The following ACSS1 variants were observed in gnomAD, a reference collection of about 807,000 sequenced individuals.
ACSS1 encodes the protein acyl-CoA synthetase short chain family member 1, also known as acetyl-coenzyme A synthetase 2-like, mitochondrial.
ACSS1 carries 42 observed loss-of-function variants against 75.3 expected under a neutral mutation model. That is an observed-to-expected ratio of 0.56 (90% CI 0.44 to 0.72). The LOEUF is 0.72. ACSS1 is among the 30% of genes least tolerant of loss of function. ACSS1 has a pLI of 0.00. For missense variants in ACSS1, 782 were observed against 935.7 expected, an observed-to-expected ratio of 0.84 and a Z score of 2.14; for synonymous variants, 380 against 376.8, an observed-to-expected ratio of 1.01 and a Z score of -0.10.
At chr20:25,018,779 G>A (rs984704596) in intron 7 of ACSS1, among the ~76,000 whole-genome samples, 1 of 152,304 alleles carries the variant, frequency 6.6e-6, no homozygotes, top group Admixed American at 6.5e-5. Context: ...AGAAACAGAA[G>A]GTTTTTACTG....
intron 2 of ACSS1, among the ~76,000 whole-genome samples, chr20:25,038,262 A>T (rs1475205662): frequency 6.6e-6 from 1 of 152,212 alleles, no homozygotes; most frequent in Non-Finnish European, 1.5e-5. Flanking sequence ...TTTATCACTC[A>T]GGAGTCTCAC....
At chr20:25,013,386 A>G in intron 10 of ACSS1, 150 bp downstream of exon 10, 1 of 1,002,740 alleles carries the variant, frequency 1.0e-6, no homozygotes, top group South Asian at 1.9e-5. Flanking sequence ...GCAAAGGGAG[A>G]GGGGTGCGGA....
chr20:25,032,287 C>G, intron 2 of ACSS1: 1 of 1,207,058 alleles, frequency 8.3e-7, no homozygotes, highest in Non-Finnish European at 1.1e-6. Context: ...TCAGGGCCGA[C>G]ACGTGACCCA....
chr20:25,030,837 A>T lies in ACSS1; in HGVS notation c.553T>A (p.Cys185Ser). Residue 185 changes from cysteine (C) to serine (S), a missense_variant, in exon 3 of 14, where the codon TGT (cysteine) becomes AGT (serine). Coordinates refer to ENST00000323482, the MANE Select transcript of ACSS1 (RefSeq NM_032501.4). ...GTGTGGACAGCTCCGATCCTGGCACAGGCCAGCATTGCTGCCACAGCCAAT... is the reference window on the plus strand; with the variant it reads ...GTGTGGACAGCTCCGATCCTGGCACTGGCCAGCATTGCTGCCACAGCCAAT... ...SPLAVAAMLA[C>S]ARIGAVHTVI... The T allele has an allele frequency of 6.2e-7, 1 of 1,614,262 alleles. No individual in the cohort carries two copies. The highest frequency in any genetic ancestry group is 8.5e-7 in the Non-Finnish European group (1 of 1,180,048).
At chr20:25,053,661 T>C (rs1291615937) in intron 1 of ACSS1, among the ~76,000 whole-genome samples, 2 of 152,108 alleles carry the variant, frequency 1.3e-5, no homozygotes, top group African/African-American at 4.8e-5. Context: ...TGTCCTGCCT[T>C]CTGAACGATT....
Position 25,053,658 on chromosome 20 carries a change from C to T in ACSS1, c.334+4111G>A, listed in dbSNP as rs564769757. Among the ~76,000 whole-genome samples, 3 of 152,244 alleles carry T rather than the reference C, an allele frequency of 2.0e-5. No individual in the cohort carries two copies. The East Asian group carries it at 5.8e-4, about 29-fold the overall frequency. Reference sequence around the variant, plus strand: ...GCGTCTTGCCGCTGTCAGTGTCCTGCCTTCTGAACGATTAGAGGCATGCCA... The same window carrying T: ...GCGTCTTGCCGCTGTCAGTGTCCTGTCTTCTGAACGATTAGAGGCATGCCA... On this transcript the variant is annotated intron_variant, in intron 1 of 13. Coordinates refer to ENST00000323482, the MANE Select transcript of ACSS1 (RefSeq NM_032501.4).
intron 9 of ACSS1, 130 bp downstream of exon 9, chr20:25,013,831 A>G: frequency 7.6e-7 from 1 of 1,323,292 alleles, no homozygotes; most frequent in Non-Finnish European, 1.0e-6. Flanking sequence ...TACCAGCTGC[A>G]GTGAACGCTG....
chr20:25,032,307 A>T (rs1218809192), intron 2 of ACSS1: 10 of 1,282,924 alleles, frequency 7.8e-6, no homozygotes, highest in Non-Finnish European at 9.0e-6. Flanking sequence ...AACCTGGTCC[A>T]GTCAGAGTCA....
chr20:25,045,656 T>TG (rs1374309676), intron 2 of ACSS1, among the ~76,000 whole-genome samples: 1 of 152,232 alleles, frequency 6.6e-6, no homozygotes, highest in Non-Finnish European at 1.5e-5. Context: ...ACGAGGCCCA[T>TG]GGGCAGAAAA....
Position 25,007,343 on chromosome 20 carries a change from A to C in ACSS1, c.*419T>G. On this transcript the variant is annotated 3_prime_UTR_variant, in exon 14 of 14. Coordinates refer to ENST00000323482, the MANE Select transcript of ACSS1 (RefSeq NM_032501.4). Reference sequence around the variant, plus strand: ...GTTCTTCCACAATATAAAAGTATAAAAATAAGATTTCTGACCTTTGTATCT... The same window carrying C: ...GTTCTTCCACAATATAAAAGTATAACAATAAGATTTCTGACCTTTGTATCT... The C allele has an allele frequency of 1.9e-6, 2 of 1,072,388 alleles. No individual in the cohort carries two copies. The highest frequency in any genetic ancestry group is 2.3e-6 in the Non-Finnish European group (2 of 884,856). 66.4% of individuals were successfully genotyped at this position (1,072,388 alleles called of 1,614,324 possible). A position where few individuals can be genotyped will look rare whatever the true frequency, so the allele number is the denominator to read the frequency against.
chr20:25,042,267 G>A (rs1175405092), intron 2 of ACSS1, among the ~76,000 whole-genome samples: 1 of 152,156 alleles, frequency 6.6e-6, no homozygotes, highest in African/African-American at 2.4e-5. Context: ...AGCAGCCGCA[G>A]CCTGGGGCTG....
At chr20:25,045,091 A>T (rs2089065179) in intron 2 of ACSS1, among the ~76,000 whole-genome samples, 1 of 152,250 alleles carries the variant, frequency 6.6e-6, no homozygotes, top group South Asian at 2.1e-4. Flanking sequence ...AATAAATAGC[A>T]GCTACATCAT....
At chr20:25,049,802 C>T (rs565346663) in intron 1 of ACSS1, among the ~76,000 whole-genome samples, 4 of 152,118 alleles carry the variant, frequency 2.6e-5, no homozygotes, top group African/African-American at 9.6e-5. Flanking sequence ...CTGGATTCAA[C>T]GCAGGCAGAT....
chr20:25,014,421 C>A (rs1182217062), intron 8 of ACSS1, among the ~76,000 whole-genome samples: 12 of 152,288 alleles, frequency 7.9e-5, no homozygotes, highest in South Asian at 2.1e-4. Flanking sequence ...TGACATGAAC[C>A]CAACAACGAA....
chr20:25,023,075 G>T lies in ACSS1; in HGVS notation c.825C>A (p.Asp275Glu). The T allele has an allele frequency of 1.2e-6, 2 of 1,613,032 alleles. No homozygotes were observed. The highest frequency in any genetic ancestry group is 1.7e-6 in the Non-Finnish European group (2 of 1,179,518). The change falls in exon 5 of 14, where the codon GAC becomes GAA. Residue 275 changes from aspartate (D) to glutamate (E), a missense_variant. This residue lies in a region of ACSS1 where 377 missense variants were observed against 383.1 expected (regional missense o/e 0.98). Transcript: ENST00000323482. ...CCATGCTCTCTGGGGCGCAAACAGG[G>T]TCCTCCTTGGCCATTTCCTGGCAGG... ...VPLEQEMAKE[D>E]PVCAPESMGS...
chr20:25,019,451 A>C (rs897422337), intron 7 of ACSS1, among the ~76,000 whole-genome samples: 13 of 152,156 alleles, frequency 8.5e-5, no homozygotes, highest in Non-Finnish European at 1.3e-4. Context: ...GATGGTATCC[A>C]CTCCACAGAC....
At chr20:25,009,170 C>T in intron 13 of ACSS1, 100 bp downstream of exon 13, 1 of 1,080,226 alleles carries the variant, frequency 9.3e-7, no homozygotes, top group South Asian at 1.4e-5. Context: ...CGTTTTGATG[C>T]TAATTGGAAA....
Position 25,007,397 on chromosome 20 carries a change from A to C in ACSS1, c.*365T>G. On this transcript the variant is annotated 3_prime_UTR_variant, in exon 14 of 14. Transcript: ENST00000323482. Reference sequence around the variant, plus strand: ...CAGATCTGGAGAAAACACGGTTGCTACTAGCTAACTAGCTCTGTGTTATCT... The same window carrying C: ...CAGATCTGGAGAAAACACGGTTGCTCCTAGCTAACTAGCTCTGTGTTATCT... The C allele has an allele frequency of 4.5e-6, 5 of 1,112,216 alleles. No individual in the cohort carries two copies. The highest frequency in any genetic ancestry group is 1.6e-5 in the African/African-American group (1 of 61,746). The allele number at this position is 1,112,216 out of a possible 1,614,324, so 68.9% of individuals were successfully genotyped here.
chr20:25,013,296 C>A (rs2088449145), intron 10 of ACSS1, among the ~76,000 whole-genome samples: 1 of 152,180 alleles, frequency 6.6e-6, no homozygotes, highest in Admixed American at 6.5e-5. Context: ...GACTTCACAC[C>A]CACACCTAAG....
Sources: allele counts gnomAD v4.1 joint callset (sites outside exome capture counted in the v4.1 genomes callset), GRCh38; gene constraint gnomAD v4.1.1; regional missense constraint gnomAD v4.1.1; transcripts MANE v1.5; gene names NCBI Gene and HGNC (gene_info 2026-07-23, HGNC 2026-07-21).